Variants in FHIP2A observed in about 807,000 individuals in gnomAD.
FHIP2A encodes FHF complex subunit HOOK interacting protein 2A, also known as family with sequence similarity 160 member B1.
FHIP2A carries 46 observed loss-of-function variants against 93.5 expected under a neutral mutation model. The observed-to-expected ratio is 0.49, with a 90% CI of 0.39 to 0.63. The LOEUF is 0.63. Ranked by LOEUF, FHIP2A falls within the 20% of genes least tolerant of loss-of-function variation. FHIP2A has a pLI of 0.00. For missense variants in FHIP2A, 769 were observed against 909.7 expected, an observed-to-expected ratio of 0.85 and a Z score of 1.99; for synonymous variants, 332 against 326.5, an observed-to-expected ratio of 1.02 and a Z score of -0.18.
At chr10:114,870,520 C>A (rs1246980454) in intron 16 of FHIP2A, among the ~76,000 whole-genome samples, 1 of 152,104 alleles carries the variant, frequency 6.6e-6, no homozygotes, top group Admixed American at 6.5e-5. Flanking sequence ...CCTAAATGAT[C>A]CTGCTTGGAG....
At chr10:114,835,912 C>T (rs1396993326) in intron 4 of FHIP2A, among the ~76,000 whole-genome samples, 1 of 151,900 alleles carries the variant, frequency 6.6e-6, no homozygotes, top group Non-Finnish European at 1.5e-5. Context: ...TTATATAACT[C>T]GTTAATTATT....
intron 3 of FHIP2A, among the ~76,000 whole-genome samples, chr10:114,834,749 G>A (rs186018723): frequency 2.6e-4 from 40 of 152,192 alleles, no homozygotes; most frequent in Non-Finnish European, 2.1e-4. Flanking sequence ...TAATCATAAT[G>A]TAAATAATTT....
At chr10:114,868,381 CTAACTAATG>C (rs1431218731), downstream of FHIP2A, among the ~76,000 whole-genome samples, 1 of 152,058 alleles carries the variant, frequency 6.6e-6, no homozygotes, top group Non-Finnish European at 1.5e-5. Context: ...TTATAAAAAT[CTAACTAATG>C]CCTGGTGGAT....
intron 16 of FHIP2A, among the ~76,000 whole-genome samples, chr10:114,889,736 C>T (rs935253214): frequency 6.6e-6 from 1 of 152,236 alleles, no homozygotes; most frequent in Non-Finnish European, 1.5e-5. Context: ...GCCCCCTCAC[C>T]AGCACATTCC....
At position 114,890,582 on chromosome 10, in the gene FHIP2A, A is replaced by T. The variant is rs1172452921; in HGVS notation, c.2193-8908A>T. Among the ~76,000 whole-genome samples the T allele has an allele frequency of 5.4e-5, 8 of 148,026 alleles. No homozygotes were observed. The Admixed American group carries it at 5.4e-4, about 10-fold the overall frequency. On this transcript the variant is annotated intron_variant, in intron 16 of 16. Transcript: ENST00000369250. Reference sequence around the variant, plus strand: ...TATATATGACATATATAGTATATAAAATATACGCTATGACATATATAGTTT... The same window carrying T: ...TATATATGACATATATAGTATATAATATATACGCTATGACATATATAGTTT...
At chr10:114,822,428 T>C (rs113254458) in intron 1 of FHIP2A, among the ~76,000 whole-genome samples, 3 of 151,946 alleles carry the variant, frequency 2.0e-5, no homozygotes, top group African/African-American at 7.2e-5. Flanking sequence ...CGCTCGGTGG[T>C]CGCCTCATTC....
At chr10:114,828,588 T>C (rs1257041206) in intron 1 of FHIP2A, among the ~76,000 whole-genome samples, 1 of 152,228 alleles carries the variant, frequency 6.6e-6, no homozygotes, top group Non-Finnish European at 1.5e-5. Flanking sequence ...GGTTTTATTA[T>C]TTTGAGAACA....
At chr10:114,893,906 G>A (rs2083987796) in intron 16 of FHIP2A, among the ~76,000 whole-genome samples, 1 of 151,942 alleles carries the variant, frequency 6.6e-6, no homozygotes, top group African/African-American at 2.4e-5. Context: ...CAGTCCTAAT[G>A]AGAGAGAGAG....
At chr10:114,846,756 C>G in intron 11 of FHIP2A, 28 bp downstream of exon 11, 1 of 1,552,750 alleles carries the variant, frequency 6.4e-7, no homozygotes. Flanking sequence ...TCCGTGAGTT[C>G]AGCATTTCAT....
intron 16 of FHIP2A, among the ~76,000 whole-genome samples, chr10:114,894,554 G>A (rs2083991499): frequency 6.6e-6 from 1 of 152,174 alleles, no homozygotes; most frequent in Admixed American, 6.5e-5. Flanking sequence ...GGGTGACAGA[G>A]TGAGACCCTG....
At chr10:114,877,073 C>T (rs2083893173) in intron 16 of FHIP2A, among the ~76,000 whole-genome samples, 1 of 152,140 alleles carries the variant, frequency 6.6e-6, no homozygotes, top group South Asian at 2.1e-4. Context: ...CTGTTTATGC[C>T]TCCAAGCGTG....
downstream of FHIP2A, among the ~76,000 whole-genome samples, chr10:114,865,708 G>A (rs1026731657): frequency 1.3e-5 from 2 of 151,312 alleles, no homozygotes; most frequent in Non-Finnish European, 2.9e-5. Context: ...GTTTTAGCTG[G>A]AAAACTAGTA....
chr10:114,883,520 T>G (rs2083927224), intron 16 of FHIP2A, among the ~76,000 whole-genome samples: 1 of 152,202 alleles, frequency 6.6e-6, no homozygotes, highest in Non-Finnish European at 1.5e-5. Flanking sequence ...CTATACTGGA[T>G]GAAAATAAAT....
At chr10:114,881,156 T>C (rs1410270791) in intron 16 of FHIP2A, among the ~76,000 whole-genome samples, 1 of 152,232 alleles carries the variant, frequency 6.6e-6, no homozygotes, top group East Asian at 1.9e-4. Flanking sequence ...GCTCCCCTTT[T>C]GGGGCCTGAA....
At chr10:114,845,727 A>G (rs911652898) in intron 8 of FHIP2A, among the ~76,000 whole-genome samples, 2 of 152,192 alleles carry the variant, frequency 1.3e-5, no homozygotes, top group Non-Finnish European at 2.9e-5. Context: ...TTACAAAGTA[A>G]CACTGATTTC....
At chr10:114,868,242 AT>A (rs2083840422), downstream of FHIP2A, among the ~76,000 whole-genome samples, 1 of 152,164 alleles carries the variant, frequency 6.6e-6, no homozygotes, top group Non-Finnish European at 1.5e-5. Flanking sequence ...ACTGGGCTGC[AT>A]AGCAGGAGGT....
At chr10:114,853,041 TC>T (rs2083745929) in intron 13 of FHIP2A, among the ~76,000 whole-genome samples, 1 of 152,224 alleles carries the variant, frequency 6.6e-6, no homozygotes, top group Admixed American at 6.5e-5. Flanking sequence ...AGGTAACTAC[TC>T]GTCTTCATGC....
chr10:114,844,182 T>C (rs558075500), intron 7 of FHIP2A, among the ~76,000 whole-genome samples: 1 of 152,324 alleles, frequency 6.6e-6, no homozygotes, highest in African/African-American at 2.4e-5. Flanking sequence ...TTTTAAGGGC[T>C]TACATTAAAA....
At chr10:114,851,009 G>A (rs2083732213) in intron 13 of FHIP2A, among the ~76,000 whole-genome samples, 1 of 152,126 alleles carries the variant, frequency 6.6e-6, no homozygotes, top group Non-Finnish European at 1.5e-5. Flanking sequence ...CGCCTCCTGG[G>A]TTCAAGCAAT....
Sources: gnomAD v4.1 joint callset for allele counts (sites outside exome capture counted in the v4.1 genomes callset) on GRCh38, gnomAD v4.1.1 for gene constraint, MANE v1.5 for transcripts, NCBI Gene and HGNC (gene_info 2026-07-23, HGNC 2026-07-21) for gene names.